Variants in RALYL observed in about 807,000 individuals in gnomAD.
RALYL encodes RALY RNA binding protein like.
RALYL carries 29 observed loss-of-function variants against 35.1 expected under a neutral mutation model. The observed-to-expected ratio is 0.83, with a 90% confidence interval of 0.61 to 1.13. The LOEUF (loss-of-function observed/expected upper bound fraction) is 1.13, where lower values mean the gene tolerates loss of function less well. Among genes scored for constraint, RALYL ranks in the 50% most tolerant of loss-of-function variants. The pLI is 0.00. For synonymous variants in RALYL, 120 were observed against 127.6 expected, an observed-to-expected ratio of 0.94 and a Z score of 0.40; for missense variants, 359 against 360.4, an observed-to-expected ratio of 1.00 and a Z score of 0.03.
intron 1 of RALYL, among the ~76,000 whole-genome samples, chr8:84,497,958 T>G (rs201557758): frequency 2.4e-3 from 1 of 420 alleles, no homozygotes; most frequent in African/African-American, 0.02. Flanking sequence ...GCTTTTTAAG[T>G]TTTTTTTTTT....
intron 8 of RALYL, among the ~76,000 whole-genome samples, chr8:84,916,341 CT>C (rs917075316): frequency 4.0e-5 from 6 of 150,778 alleles, no homozygotes; most frequent in South Asian, 2.1e-4. Flanking sequence ...AAAGAGGGTT[CT>C]TTTTTTTTAA....
chr8:84,492,859 C>T (rs1320157474), intron 1 of RALYL, among the ~76,000 whole-genome samples: 2 of 147,530 alleles, frequency 1.4e-5, no homozygotes, highest in African/African-American at 5.4e-5. Flanking sequence ...CATTATTTTA[C>T]ATTTTGCACA....
intron 2 of RALYL, among the ~76,000 whole-genome samples, chr8:84,688,373 A>G (rs1837278787): frequency 6.6e-6 from 1 of 152,134 alleles, no homozygotes; most frequent in African/African-American, 2.4e-5. Flanking sequence ...ATGCTGGCAT[A>G]AAAACAGATA....
chr8:84,698,620 G>A (rs1034336344), intron 2 of RALYL, among the ~76,000 whole-genome samples: 2 of 151,992 alleles, frequency 1.3e-5, no homozygotes, highest in African/African-American at 4.8e-5. Context: ...ACACAGCAGA[G>A]GAAAGAAACC....
intron 2 of RALYL, among the ~76,000 whole-genome samples, chr8:84,694,765 C>A (rs995654214): frequency 1.3e-5 from 2 of 151,694 alleles, no homozygotes; most frequent in South Asian, 4.1e-4. Context: ...ACACATTTGC[C>A]AATAAATTAT....
At chr8:84,355,612 A>T (rs1187876017) in intron 1 of RALYL, among the ~76,000 whole-genome samples, 1 of 150,446 alleles carries the variant, frequency 6.6e-6, no homozygotes, top group African/African-American at 2.5e-5. Flanking sequence ...AGTATGCGAT[A>T]TAAAGAGAAT....
chr8:84,263,283 A>G (rs945152764), intron 1 of RALYL, among the ~76,000 whole-genome samples: 7 of 152,156 alleles, frequency 4.6e-5, no homozygotes, highest in African/African-American at 1.7e-4. Context: ...ATTACTCATA[A>G]CCATAGAACA....
At chr8:84,228,709 G>A (rs1824572969) in intron 1 of RALYL, among the ~76,000 whole-genome samples, 1 of 152,188 alleles carries the variant, frequency 6.6e-6, no homozygotes. Flanking sequence ...ATAAAGAAAA[G>A]AGGTTTAATT....
intron 1 of RALYL, among the ~76,000 whole-genome samples, chr8:84,243,880 A>T (rs1397832345): frequency 6.6e-6 from 1 of 152,156 alleles, no homozygotes; most frequent in African/African-American, 2.4e-5. Flanking sequence ...GATATAAGTC[A>T]GGAGGACATG....
chr8:84,913,811 T>C (rs1266031697), intron 8 of RALYL, among the ~76,000 whole-genome samples: 1 of 151,968 alleles, frequency 6.6e-6, no homozygotes, highest in Non-Finnish European at 1.5e-5. Flanking sequence ...ATTACCTATG[T>C]TTCCCAAATA....
intron 2 of RALYL, among the ~76,000 whole-genome samples, chr8:84,648,472 C>T (rs556706642): frequency 2.6e-5 from 4 of 152,124 alleles, no homozygotes; most frequent in Admixed American, 2.6e-4. Flanking sequence ...CACTGCAAGG[C>T]TAGAATTAGT....
intron 7 of RALYL, among the ~76,000 whole-genome samples, chr8:84,876,067 T>C (rs1331771454): frequency 6.6e-6 from 1 of 152,142 alleles, no homozygotes; most frequent in African/African-American, 2.4e-5. Flanking sequence ...TCTCAGTACA[T>C]TACTTTGGAT....
chr8:84,468,159 G>C (rs1341027906), intron 1 of RALYL, among the ~76,000 whole-genome samples: 1 of 151,772 alleles, frequency 6.6e-6, no homozygotes, highest in Non-Finnish European at 1.5e-5. Flanking sequence ...AGTTAATATT[G>C]TTATGTGTGA....
In RALYL at chr8:84,558,918, C is replaced by T. The variant is rs146300416; in HGVS notation, c.256+29341C>T. On this transcript the variant is annotated intron_variant, in intron 2 of 8. Transcript: ENST00000521268. ...CTAGCCTTTGTCCTCTGCACTGTAC[C>T]GAGTCTGTGAAGGAACACAATAGTA... is the stretch of plus-strand genomic sequence containing the variant. 2.2e-3 allele frequency among the ~76,000 whole-genome samples: 342 copies of T among 152,050 alleles called. 1 individual carries two copies. Among genetic ancestry groups the T allele is most frequent in the African/African-American group, 8.0e-3 (330 of 41,476 alleles).
At chr8:84,194,518 A>T (rs1028266940) in intron 1 of RALYL, among the ~76,000 whole-genome samples, 2 of 152,196 alleles carry the variant, frequency 1.3e-5, no homozygotes, top group Non-Finnish European at 2.9e-5. Context: ...CTTTGTAAGG[A>T]AGTCTCTTTT....
chr8:84,470,912 G>A (rs538676804), intron 1 of RALYL, among the ~76,000 whole-genome samples: 1 of 152,112 alleles, frequency 6.6e-6, no homozygotes, highest in Non-Finnish European at 1.5e-5. Flanking sequence ...CATTTAAATA[G>A]GAGCTCACCC....
intron 1 of RALYL, among the ~76,000 whole-genome samples, chr8:84,351,715 G>A (rs1215921536): frequency 6.7e-6 from 1 of 150,054 alleles, no homozygotes; most frequent in African/African-American, 2.5e-5. Context: ...GTTTTGCAAG[G>A]ATGGGGTGCA....
intron 2 of RALYL, among the ~76,000 whole-genome samples, chr8:84,567,906 G>A (rs2061898577): frequency 1.3e-5 from 2 of 151,606 alleles, no homozygotes; most frequent in South Asian, 4.2e-4. Flanking sequence ...CATTTTGACT[G>A]TGGCAAGATG....
chr8:84,648,740 A>G (rs1013463128), intron 2 of RALYL, among the ~76,000 whole-genome samples: 4 of 151,496 alleles, frequency 2.6e-5, no homozygotes, highest in Non-Finnish European at 5.9e-5. Context: ...AATTATTAAT[A>G]TATTATTTGA....
Sources: gnomAD v4.1 joint callset for allele counts (sites outside exome capture counted in the v4.1 genomes callset) on GRCh38, gnomAD v4.1.1 for gene constraint, MANE v1.5 for transcripts, NCBI Gene and HGNC (gene_info 2026-07-23, HGNC 2026-07-21) for gene names.